TMCC1: variants seen among roughly 807,000 people sequenced by gnomAD.
The protein encoded by TMCC1 is transmembrane and coiled-coil domains protein 1.
In TMCC1, 15 loss-of-function variants were observed where a neutral mutation model predicts 52.4. That is an observed-to-expected ratio of 0.29 (90% CI 0.19 to 0.44). TMCC1 has a LOEUF of 0.44. TMCC1 is among the 20% of genes least tolerant of loss of function. The pLI is 1.00. For synonymous variants in TMCC1, 279 were observed against 301.9 expected (o/e 0.92, Z 0.79); for missense variants, 503 against 806.0 (o/e 0.62, Z 4.55).
At chr3:129,883,261 G>A (rs956940639) in intron 1 of TMCC1, among the ~76,000 whole-genome samples, 1 of 151,890 alleles carries the variant, frequency 6.6e-6, no homozygotes, top group African/African-American at 2.4e-5. Context: ...GCAGTGAGCT[G>A]AGATCGCACC....
chr3:129,671,160 A>C lies in TMCC1; in HGVS notation c.681T>G (p.Pro227=). The C allele has an allele frequency of 6.2e-7, 1 of 1,614,128 alleles. No individual in the cohort carries two copies. Among genetic ancestry groups the C allele is most frequent in the Non-Finnish European group, 8.5e-7 (1 of 1,180,024 alleles). Residue 227 remains proline, a synonymous_variant, in exon 5 of 7, where the codon CCT becomes CCG. Coordinates refer to ENST00000393238, the MANE Select transcript of TMCC1 (RefSeq NM_001017395.5). ...GAGCAATGGCAGCCTTTGTGCGCTG[A>C]GGGTCTGGTGTTCCATCCACAGAGT... ...HTDSVDGTPD[P]QRTKAAIAHL...
chr3:129,746,062 CCT>C (rs2051928808), intron 4 of TMCC1, among the ~76,000 whole-genome samples: 1 of 150,052 alleles, frequency 6.7e-6, no homozygotes, highest in Non-Finnish European at 1.5e-5. Context: ...CAGCCCTGAA[CCT>C]CTTTCCTTTT....
At chr3:129,743,151 T>G (rs796329325) in intron 4 of TMCC1, among the ~76,000 whole-genome samples, 1 of 152,220 alleles carries the variant, frequency 6.6e-6, no homozygotes, top group Non-Finnish European at 1.5e-5. Flanking sequence ...CCATGGACTG[T>G]ATACTTTCAA....
At chr3:129,680,692 GGAGTTC>G in intron 4 of TMCC1, among the ~76,000 whole-genome samples, 1 of 152,192 alleles carries the variant, frequency 6.6e-6, no homozygotes, top group Non-Finnish European at 1.5e-5. Context: ...TTTGAGGTCA[GGAGTTC>G]GAGACCAGCC....
At chr3:129,794,287 G>A (rs1273518082) in intron 4 of TMCC1, 1 of 456,228 alleles carries the variant, frequency 2.2e-6, no homozygotes, top group Non-Finnish European at 4.4e-6. Flanking sequence ...GCAAGTGAGA[G>A]TTTCCCCTCC....
At chr3:129,824,746 G>A (rs1011483891) in intron 4 of TMCC1, among the ~76,000 whole-genome samples, 1 of 151,806 alleles carries the variant, frequency 6.6e-6, no homozygotes, top group African/African-American at 2.4e-5. Context: ...ATTATTAAAG[G>A]CCTATAAGAC....
intron 4 of TMCC1, among the ~76,000 whole-genome samples, chr3:129,689,655 G>A (rs2089655991): frequency 6.6e-6 from 1 of 152,074 alleles, no homozygotes; most frequent in African/African-American, 2.4e-5. Context: ...GGTCAAAGAA[G>A]GTCTATCAGT....
Position 129,827,769 on chromosome 3 carries a change from A to G in TMCC1, c.576+34T>C, listed in dbSNP as rs532172211. 6 of 1,594,810 alleles carry G rather than the reference A, an allele frequency of 3.8e-6. No homozygotes were observed. In the East Asian group the frequency reaches 1.3e-4, roughly 36 times the overall value. On this transcript the variant is annotated intron_variant, in intron 4 of 6. Transcript: ENST00000393238. ...GAGAGTCCTAGGTATGAAAAACAGTAAGTTAACAGAAAAACAAAATCTTAC... is the reference window on the plus strand; with the variant it reads ...GAGAGTCCTAGGTATGAAAAACAGTGAGTTAACAGAAAAACAAAATCTTAC...
At chr3:129,809,571 C>T (rs74625775) in intron 4 of TMCC1, among the ~76,000 whole-genome samples, 14,728 of 151,732 alleles carry the variant, frequency 0.097, 828 homozygotes, top group Middle Eastern at 0.16. Flanking sequence ...TTAAATGGTA[C>T]TGTAACAATA....
intron 4 of TMCC1, among the ~76,000 whole-genome samples, chr3:129,781,583 T>C (rs1048147540): frequency 9.2e-5 from 14 of 152,068 alleles, no homozygotes; most frequent in African/African-American, 3.4e-4. Flanking sequence ...TTAAGCTACT[T>C]AAGGAAGCTA....
At chr3:129,847,750 AT>A (rs2059731819) in intron 2 of TMCC1, 1 of 152,188 alleles carries the variant, frequency 6.6e-6, no homozygotes, top group African/African-American at 2.4e-5. Context: ...AAACTGCCCA[AT>A]TGTCTTCCAA....
intron 2 of TMCC1, among the ~76,000 whole-genome samples, chr3:129,863,855 C>T (rs1248302954): frequency 6.6e-6 from 1 of 151,658 alleles, no homozygotes; most frequent in Non-Finnish European, 1.5e-5. Flanking sequence ...GAGCGAGACT[C>T]TTATCTCAAG....
chr3:129,774,504 C>A (rs1440021438), intron 4 of TMCC1, among the ~76,000 whole-genome samples: 1 of 152,136 alleles, frequency 6.6e-6, no homozygotes, highest in African/African-American at 2.4e-5. Flanking sequence ...CCTCATGAAG[C>A]TTTCAGTCTA....
chr3:129,659,625 A>G (rs576016704), intron 5 of TMCC1, among the ~76,000 whole-genome samples: 14 of 152,314 alleles, frequency 9.2e-5, no homozygotes, highest in African/African-American at 3.4e-4. Flanking sequence ...TATTCCCAAC[A>G]CTTTTGAACC....
chr3:129,875,944 A>C (rs1186385844), intron 2 of TMCC1, among the ~76,000 whole-genome samples: 1 of 152,082 alleles, frequency 6.6e-6, no homozygotes, highest in Admixed American at 6.5e-5. Flanking sequence ...AACCAGCCTG[A>C]CCAACACGGA....
At chr3:129,665,463 G>A (rs1264693162) in intron 5 of TMCC1, among the ~76,000 whole-genome samples, 1 of 152,208 alleles carries the variant, frequency 6.6e-6, no homozygotes, top group Non-Finnish European at 1.5e-5. Flanking sequence ...GACCGAAGTA[G>A]GGATTTCCTT....
chr3:129,701,612 G>T (rs1347887352), intron 4 of TMCC1, among the ~76,000 whole-genome samples: 1 of 152,124 alleles, frequency 6.6e-6, no homozygotes, highest in Admixed American at 6.6e-5. Flanking sequence ...CAGAAAGGAG[G>T]GCAAGAGAGG....
intron 1 of TMCC1, among the ~76,000 whole-genome samples, chr3:129,891,570 C>T (rs1172715908): frequency 2.0e-5 from 3 of 151,944 alleles, no homozygotes; most frequent in Non-Finnish European, 4.4e-5. Context: ...GGTCCTTTAC[C>T]AAAAAAAGCT....
chr3:129,867,197 C>T (rs1021595818), intron 2 of TMCC1: 2 of 152,084 alleles, frequency 1.3e-5, no homozygotes, highest in Non-Finnish European at 2.9e-5. Flanking sequence ...TTACTCAAAA[C>T]TAAGCTTGTC....
Sources: gnomAD v4.1 joint callset for allele counts (sites outside exome capture counted in the v4.1 genomes callset) on GRCh38, gnomAD v4.1.1 for gene constraint, MANE v1.5 for transcripts, NCBI Gene and HGNC (gene_info 2026-07-23, HGNC 2026-07-21) for gene names.